The following CFDP1 variants were observed in gnomAD, a reference collection of about 807,000 sequenced individuals.
CFDP1 encodes chromatin remodeling protein CFDP1, also known as heterochromatin-stabilizing protein CFDP1.
CFDP1 carries 31 observed loss-of-function variants against 40.1 expected under a neutral mutation model. The observed-to-expected ratio is 0.77, with a 90% CI of 0.58 to 1.04. The LOEUF (loss-of-function observed/expected upper bound fraction) is 1.04, where lower values mean the gene tolerates loss of function less well. CFDP1 is among the 50% of genes least tolerant of loss of function. The pLI is 0.00. For synonymous variants in CFDP1, 167 were observed against 120.0 expected (o/e 1.39, Z -2.56); for missense variants, 423 against 343.4 (o/e 1.23, Z -1.83).
intron 1 of CFDP1, among the ~76,000 whole-genome samples, chr16:75,428,460 A>C (rs1420746550): frequency 6.6e-6 from 1 of 151,976 alleles, no homozygotes; most frequent in African/African-American, 2.4e-5. Context: ...TTAAAATACA[A>C]AAACAAAATT....
At chr16:75,381,570 G>C (rs1024482953) in intron 5 of CFDP1, among the ~76,000 whole-genome samples, 1 of 152,182 alleles carries the variant, frequency 6.6e-6, no homozygotes, top group Non-Finnish European at 1.5e-5. Flanking sequence ...ACGACAGGCA[G>C]TTTTGGCCCA....
At chr16:75,344,931 CA>C (rs1381336563) in intron 5 of CFDP1, among the ~76,000 whole-genome samples, 2 of 151,698 alleles carry the variant, frequency 1.3e-5, no homozygotes, top group African/African-American at 4.8e-5. Context: ...GACTACATCT[CA>C]AAAACAAAAA....
intron 6 of CFDP1, among the ~76,000 whole-genome samples, chr16:75,299,965 G>A (rs938133041): frequency 2.0e-5 from 3 of 152,156 alleles, no homozygotes; most frequent in African/African-American, 7.2e-5. Flanking sequence ...GGGCTGCAGC[G>A]AGCTGGGGGA....
At chr16:75,399,118 G>C (rs539733628) in intron 4 of CFDP1, among the ~76,000 whole-genome samples, 3 of 150,652 alleles carry the variant, frequency 2.0e-5, no homozygotes, top group East Asian at 1.9e-4. Context: ...GCCACTGTCT[G>C]ATTACAACTG....
intron 5 of CFDP1, among the ~76,000 whole-genome samples, chr16:75,354,096 T>C (rs2078630629): frequency 6.6e-6 from 1 of 152,196 alleles, no homozygotes; most frequent in South Asian, 2.1e-4. Context: ...TTACATAAGA[T>C]ATTCAACACT....
chr16:75,335,328 G>C (rs998951312), intron 5 of CFDP1, among the ~76,000 whole-genome samples: 1 of 152,062 alleles, frequency 6.6e-6, no homozygotes, highest in Non-Finnish European at 1.5e-5. Flanking sequence ...TTTGGCTTAT[G>C]TTCGTGGTCA....
At chr16:75,353,569 G>A (rs746603749) in intron 5 of CFDP1, among the ~76,000 whole-genome samples, 152 of 151,958 alleles carry the variant, frequency 1.0e-3, no homozygotes, top group Non-Finnish European at 2.0e-3. Context: ...AGACCATGGT[G>A]AAACCCCATC....
At chr16:75,390,506 C>G (rs377372322) in intron 5 of CFDP1, among the ~76,000 whole-genome samples, 1 of 152,216 alleles carries the variant, frequency 6.6e-6, no homozygotes, top group Non-Finnish European at 1.5e-5. Flanking sequence ...ACCTGCCTCC[C>G]GATTCTGCTA....
chr16:75,315,623 A>G (rs2078319444), intron 5 of CFDP1, among the ~76,000 whole-genome samples: 1 of 152,156 alleles, frequency 6.6e-6, no homozygotes, highest in South Asian at 2.1e-4. Flanking sequence ...CAGAACCACT[A>G]TTTATCTAAA....
intron 5 of CFDP1, among the ~76,000 whole-genome samples, chr16:75,312,040 T>C (rs2078296074): frequency 1.3e-5 from 2 of 152,186 alleles, no homozygotes; most frequent in African/African-American, 4.8e-5. Context: ...GCTGTCTGTC[T>C]TGAACCAACG....
At chr16:75,423,641 A>G (rs1427793878) in intron 1 of CFDP1, among the ~76,000 whole-genome samples, 1 of 151,830 alleles carries the variant, frequency 6.6e-6, no homozygotes, top group Non-Finnish European at 1.5e-5. Flanking sequence ...CAGCCTCCCG[A>G]GCAGCTGGGA....
At chr16:75,336,634 G>A (rs1013954977) in intron 5 of CFDP1, among the ~76,000 whole-genome samples, 1 of 152,086 alleles carries the variant, frequency 6.6e-6, no homozygotes, top group East Asian at 1.9e-4. Flanking sequence ...GATCATTCCC[G>A]ATCAGCACAC....
At chr16:75,310,856 G>C (rs1020812003) in intron 5 of CFDP1, among the ~76,000 whole-genome samples, 12 of 152,158 alleles carry the variant, frequency 7.9e-5, no homozygotes, top group African/African-American at 2.7e-4. Context: ...ATCATCCCCA[G>C]GTACCCAGCT....
rs1330911011 is a variant in CFDP1, at chr16:75,305,016, C to G, written c.809+8G>C. 2 of 1,613,352 alleles carry G rather than the reference C, an allele frequency of 1.2e-6. No individual in the cohort carries two copies. The highest frequency in any genetic ancestry group is 4.5e-5 in the East Asian group (2 of 44,872). ...ATTTTCCAAGGCATAAAACCTACTC[C>G]TTCTTACCCCTCTTTCCCTCGATTA... On this transcript the variant is annotated splice_region_variant and intron_variant, in intron 6 of 6. Transcript: ENST00000283882.
At chr16:75,386,930 TA>T (rs1190918018) in intron 5 of CFDP1, among the ~76,000 whole-genome samples, 2 of 152,244 alleles carry the variant, frequency 1.3e-5, no homozygotes, top group African/African-American at 4.8e-5. Flanking sequence ...TTGCCTTTAA[TA>T]GATTGAAAAT....
Position 75,389,370 on chromosome 16 carries a change from G to A in CFDP1, c.650+5720C>T, listed in dbSNP as rs1009154414. ...GAGTAATTTTTGTAGTTTGATTCCT[G>A]CCTCTAATTAAAGTAGGGCTTATTC... On this transcript the variant is annotated intron_variant, in intron 5 of 6. Coordinates refer to ENST00000283882, the MANE Select transcript of CFDP1 (RefSeq NM_006324.3). Among the ~76,000 whole-genome samples the A allele has an allele frequency of 2.6e-5, 4 of 152,186 alleles. No homozygotes were observed. The South Asian group carries it at 6.2e-4, about 24-fold the overall frequency.
In CFDP1 at chr16:75,293,978, G is replaced by C. The variant is rs199815532; in HGVS notation, c.874C>G (p.Leu292Val). Residue 292 changes from leucine (L) to valine (V), a missense_variant, in exon 7 of 7, where the codon CTC (leucine) becomes GTC (valine). Coordinates refer to ENST00000283882, the MANE Select transcript of CFDP1 (RefSeq NM_006324.3). ...CAAGGTTTCATTTTGCTCAGCCTGA[G>C]ATCTCGCTCAATTTCAAACTGCCTG... ...DHRQFEIERD[L>V]RLSKMKP 1.2e-6 allele frequency: 2 copies of C among 1,614,108 alleles called. No homozygotes were observed. Among genetic ancestry groups the C allele is most frequent in the East Asian group, 4.5e-5 (2 of 44,880 alleles).
At chr16:75,306,921 T>C (rs2078262456) in intron 5 of CFDP1, among the ~76,000 whole-genome samples, 1 of 150,334 alleles carries the variant, frequency 6.7e-6, no homozygotes, top group Non-Finnish European at 1.5e-5. Flanking sequence ...ACACACTTTC[T>C]TTTTCACCAT....
intron 4 of CFDP1, among the ~76,000 whole-genome samples, chr16:75,404,657 C>A (rs547972389): frequency 6.6e-6 from 1 of 151,084 alleles, no homozygotes; most frequent in East Asian, 1.9e-4. Context: ...AACAATGCAG[C>A]AATCCAAATT....
Sources: allele counts gnomAD v4.1 joint callset (sites outside exome capture counted in the v4.1 genomes callset), GRCh38; gene constraint gnomAD v4.1.1; transcripts MANE v1.5; gene names NCBI Gene and HGNC (gene_info 2026-07-23, HGNC 2026-07-21).